UBXN2B: variants seen among roughly 807,000 people sequenced by gnomAD.
The protein encoded by UBXN2B is UBX domain protein 2B, also known as UBX domain-containing protein 2B.
Under a neutral mutation model 37.5 loss-of-function variants are expected in UBXN2B, and 19 were observed. That is an observed-to-expected ratio of 0.51 (90% CI 0.35 to 0.74). UBXN2B has a LOEUF of 0.74. UBXN2B is among the 30% of genes least tolerant of loss of function. The probability of loss-of-function intolerance (pLI) is 0.01; values close to 1 mark genes in which losing one functional copy is unlikely to be tolerated. For synonymous variants in UBXN2B, 145 were observed against 143.8 expected, an observed-to-expected ratio of 1.01 and a Z score of -0.06; for missense variants, 370 against 393.2, an observed-to-expected ratio of 0.94 and a Z score of 0.50.
intron 2 of UBXN2B, chr8:58,425,793 C>G: frequency 8.5e-7 from 1 of 1,174,022 alleles, no homozygotes; most frequent in Non-Finnish European, 1.3e-6. Flanking sequence ...TCCACAAGAT[C>G]TGTCAAAGAA....
In UBXN2B at chr8:58,425,816, C is replaced by T. The variant is rs184718149; in HGVS notation, c.189-4703C>T. On this transcript the variant is annotated intron_variant, in intron 2 of 7. Transcript: ENST00000399598. Reference sequence around the variant, plus strand: ...ATCTGTCAAAGAATCATACCGTTCTCCTCCACCAACATCGTATTTCAGTTC... The same window carrying T: ...ATCTGTCAAAGAATCATACCGTTCTTCTCCACCAACATCGTATTTCAGTTC... 5.1e-6 allele frequency: 6 copies of T among 1,169,930 alleles called. No homozygotes were observed. In the African/African-American group the frequency reaches 7.5e-5, roughly 15 times the overall value. The allele number at this position is 1,169,930 out of a possible 1,614,324, so 72.5% of individuals were successfully genotyped here.
Position 58,447,658 on chromosome 8 carries a change from A to C in UBXN2B, c.*107A>C. ...GCCAAATTATTTTTATTATTTTTAC[A>C]GATAAATTTTGGTTTTATTGTTATT... On this transcript the variant is annotated 3_prime_UTR_variant, in exon 8 of 8. Coordinates refer to ENST00000399598, the MANE Select transcript of UBXN2B (RefSeq NM_001077619.2). 1 of 1,171,540 alleles carries C rather than the reference A, an allele frequency of 8.5e-7. No homozygotes were observed. The highest frequency in any genetic ancestry group is 1.1e-6 in the Non-Finnish European group (1 of 894,548). 72.6% of individuals were successfully genotyped at this position (1,171,540 alleles called of 1,614,324 possible). A position where few individuals can be genotyped will look rare whatever the true frequency, so the allele number is the denominator to read the frequency against.
At position 58,411,457 on chromosome 8, in the gene UBXN2B, G is replaced by C. The variant is rs1176506303; in HGVS notation, c.72G>C (p.Ala24=). 3 of 1,254,636 alleles carry C rather than the reference G, an allele frequency of 2.4e-6. No individual in the cohort carries two copies. In the African/African-American group the frequency reaches 4.7e-5, roughly 19 times the overall value. The allele number at this position is 1,254,636 out of a possible 1,614,324, so 77.7% of individuals were successfully genotyped here. Residue 24 remains alanine, a synonymous_variant, in exon 1 of 8, where the codon GCG becomes GCC. Coordinates refer to ENST00000399598, the MANE Select transcript of UBXN2B (RefSeq NM_001077619.2). ...RRSSGPRPPS[A]RDLQLALAEL... is the part of the protein sequence containing the mutation. ...CTTCCGGGCCGCGGCCTCCGAGCGC[G>C]CGGGATTTGCAGGTGAGGCGAGGAG...
chr8:58,423,287 A>G (rs1451545060), intron 2 of UBXN2B, among the ~76,000 whole-genome samples: 4 of 152,184 alleles, frequency 2.6e-5, no homozygotes, highest in African/African-American at 7.2e-5. Flanking sequence ...GGAGAGACTC[A>G]GGACTGCAGG....
At chr8:58,438,477 G>C (rs904453439) in intron 5 of UBXN2B, among the ~76,000 whole-genome samples, 20 of 152,206 alleles carry the variant, frequency 1.3e-4, no homozygotes, top group Admixed American at 6.5e-5. Flanking sequence ...AATATGCCCT[G>C]TATATGGGAC....
rs777717509 is a variant in UBXN2B at position 58,447,388 on chromosome 8, G to A, written c.834-1G>A. 3 of 1,573,764 alleles carry A rather than the reference G, an allele frequency of 1.9e-6. No individual in the cohort carries two copies. The highest frequency in any genetic ancestry group is 2.6e-6 in the Non-Finnish European group (3 of 1,159,784). On this transcript the variant is annotated splice_acceptor_variant, in intron 7 of 7. Coordinates refer to ENST00000399598, the MANE Select transcript of UBXN2B (RefSeq NM_001077619.2). LOFTEE classifies it high-confidence loss of function. ...AAATTATTTTTGTCTTATTTCTTCA[G>A]GATCCTGGATGTCCGGAACTTTATT...
At chr8:58,433,264 GA>G in intron 4 of UBXN2B, 21 bp downstream of exon 4, 1 of 1,563,600 alleles carries the variant, frequency 6.4e-7, no homozygotes, top group Non-Finnish European at 8.7e-7. Context: ...TAATCAAAAT[GA>G]AAAAGTATAA....
intron 1 of UBXN2B, among the ~76,000 whole-genome samples, chr8:58,414,563 TTG>T (rs1807722909): frequency 6.6e-6 from 1 of 152,180 alleles, no homozygotes; most frequent in African/African-American, 2.4e-5. Context: ...GATTTTTTTG[TTG>T]TGTTAGTTTT....
At chr8:58,424,232 A>G (rs1808012377) in intron 2 of UBXN2B, among the ~76,000 whole-genome samples, 1 of 148,016 alleles carries the variant, frequency 6.8e-6, no homozygotes, top group Admixed American at 6.7e-5. Context: ...TATAAAAAGA[A>G]AAAAAAAAAA....
chr8:58,444,735 T>C (rs770112500), intron 6 of UBXN2B, among the ~76,000 whole-genome samples: 3 of 152,222 alleles, frequency 2.0e-5, no homozygotes, highest in Non-Finnish European at 2.9e-5. Context: ...TTCCTTAATA[T>C]CTGATCATTT....
intron 5 of UBXN2B, among the ~76,000 whole-genome samples, chr8:58,436,673 G>A (rs1305351804): frequency 1.3e-5 from 2 of 152,150 alleles, no homozygotes; most frequent in Non-Finnish European, 2.9e-5. Flanking sequence ...GGTAATGAAT[G>A]AGTTCTTCTT....
At chr8:58,435,726 T>A (rs1277357149) in intron 5 of UBXN2B, among the ~76,000 whole-genome samples, 2 of 152,340 alleles carry the variant, frequency 1.3e-5, no homozygotes, top group African/African-American at 2.4e-5. Flanking sequence ...TGTAGGCTAA[T>A]GTTTAAACAA....
chr8:58,428,429 A>G (rs965918059), intron 2 of UBXN2B, among the ~76,000 whole-genome samples: 7 of 152,236 alleles, frequency 4.6e-5, no homozygotes, highest in South Asian at 2.1e-4. Context: ...ACATAATTGC[A>G]TACAAAGAAA....
intron 5 of UBXN2B, among the ~76,000 whole-genome samples, chr8:58,437,071 A>G (rs1372891042): frequency 1.3e-5 from 2 of 152,166 alleles, no homozygotes; most frequent in Non-Finnish European, 1.5e-5. Flanking sequence ...TAGGAAGACA[A>G]AGGAAAATTT....
chr8:58,419,615 A>G (rs1807874062), intron 2 of UBXN2B, among the ~76,000 whole-genome samples: 1 of 152,238 alleles, frequency 6.6e-6, no homozygotes, highest in Non-Finnish European at 1.5e-5. Context: ...TGAGAATTAA[A>G]TGAGATAAAG....
chr8:58,429,864 A>G (rs932692203), intron 2 of UBXN2B, among the ~76,000 whole-genome samples: 2 of 152,258 alleles, frequency 1.3e-5, no homozygotes, highest in African/African-American at 4.8e-5. Flanking sequence ...AAAATCTTGA[A>G]AGATAAAAGT....
intron 2 of UBXN2B, among the ~76,000 whole-genome samples, chr8:58,428,276 C>T (rs896311602): frequency 3.3e-5 from 5 of 152,190 alleles, no homozygotes; most frequent in African/African-American, 1.2e-4. Flanking sequence ...CCGCTCAACT[C>T]TTCTGAAGTT....
At chr8:58,415,827 T>A (rs1330257656) in intron 1 of UBXN2B, among the ~76,000 whole-genome samples, 2 of 152,066 alleles carry the variant, frequency 1.3e-5, no homozygotes, top group Admixed American at 1.3e-4. Flanking sequence ...CAAATATGAA[T>A]GTTACTGAAT....
Position 58,411,422 on chromosome 8 carries a change from G to A in UBXN2B, c.37G>A (p.Glu13Lys), listed in dbSNP as rs1328698110. 2 of 1,268,592 alleles carry A rather than the reference G, an allele frequency of 1.6e-6. No individual in the cohort carries two copies. The highest frequency in any genetic ancestry group is 1.5e-5 in the African/African-American group (1 of 64,542). 78.6% of individuals were successfully genotyped at this position (1,268,592 alleles called of 1,614,324 possible). ...CGGAGGCCCTGAGCCCGGCGAGCAG[G>A]AGAGGAGGTCTTCCGGGCCGCGGCC... ...EGGGPEPGEQ[E>K]RRSSGPRPPS... Residue 13 changes from glutamate to lysine, a missense_variant, in exon 1 of 8, where the codon GAG becomes AAG. Physicochemically the swap from Glu to Lys is moderately conservative, Grantham distance 56. Around this residue, in one of 3 missense-constraint regions of UBXN2B, gnomAD observed 197 missense variants for 170.2 expected, o/e 1.16. Coordinates refer to ENST00000399598, the MANE Select transcript of UBXN2B (RefSeq NM_001077619.2).
Sources: gnomAD v4.1 joint callset for allele counts (sites outside exome capture counted in the v4.1 genomes callset) on GRCh38, gnomAD v4.1.1 for gene constraint, gnomAD v4.1.1 regional missense constraint, MANE v1.5 for transcripts, NCBI Gene and HGNC (gene_info 2026-07-23, HGNC 2026-07-21) for gene names.